The following LBR variants were observed in gnomAD, a reference collection of about 807,000 sequenced individuals.
LBR encodes delta(14)-sterol reductase LBR.
LBR carries 28 observed loss-of-function variants against 74.3 expected under a neutral mutation model. The ratio of observed to expected loss-of-function variants is 0.38; its 90% CI spans 0.28 to 0.52. The LOEUF (loss-of-function observed/expected upper bound fraction) is 0.52, where lower values mean the gene tolerates loss of function less well. LBR is among the 20% of genes least tolerant of loss of function. The pLI, the probability that LBR is intolerant of heterozygous loss-of-function variation, is 0.89. For missense variants in LBR, 717 were observed against 760.3 expected (o/e 0.94, Z 0.67); for synonymous variants, 228 against 269.3 (o/e 0.85, Z 1.50).
chr1:225,428,300 G>C (rs183591902), upstream of LBR, among the ~76,000 whole-genome samples: 241 of 152,216 alleles, frequency 1.6e-3, no homozygotes, highest in African/African-American at 5.5e-3. Flanking sequence ...GGGCGGCCCG[G>C]AGCGCGACGT....
chr1:225,419,884 T>A, intron 3 of LBR, 86 bp from the exon 4 acceptor site: 1 of 983,360 alleles, frequency 1.0e-6, no homozygotes, highest in Non-Finnish European at 1.6e-6. Flanking sequence ...TGTTTTGGAA[T>A]CAAGCAATAA....
chr1:225,422,056 TATAAGG>T lies in LBR; in HGVS notation c.366+15_366+20del. 1.2e-6 allele frequency: 2 copies of T among 1,609,192 alleles called. No homozygotes were observed. Among genetic ancestry groups the T allele is most frequent in the Non-Finnish European group, 1.7e-6 (2 of 1,176,172 alleles). ...ACATAAAGCGGAAGACAAAAGGCTG[TATAAGG>T]ATAAACACAAGTACCAGAATCAGCG... is the stretch of plus-strand genomic sequence containing the variant. On this transcript the variant is annotated intron_variant, in intron 3 of 13. Transcript: ENST00000272163.
In LBR at chr1:225,426,922, A is replaced by T. The variant is rs180698902; in HGVS notation, c.-15+1032T>A. Reference sequence around the variant, plus strand: ...GCCTGAGAAACAAAACTTAAACTGGACTTGTTGCCTAATCTAAATTAGGAT... The same window carrying T: ...GCCTGAGAAACAAAACTTAAACTGGTCTTGTTGCCTAATCTAAATTAGGAT... On this transcript the variant is annotated intron_variant, in intron 1 of 13. Transcript: ENST00000272163. Among the ~76,000 whole-genome samples, 4 of 152,190 alleles carry T rather than the reference A, an allele frequency of 2.6e-5. No individual in the cohort carries two copies. In the East Asian group the frequency reaches 7.7e-4, roughly 29 times the overall value.
chr1:225,415,447 G>T (rs2096115306), intron 6 of LBR, 115 bp from the exon 7 acceptor site: 1 of 637,944 alleles, frequency 1.6e-6, no homozygotes, highest in South Asian at 1.9e-5. Context: ...GCCCAAGAAG[G>T]AAGATATCTT....
chr1:225,414,772 G>A (rs960897074), intron 7 of LBR, among the ~76,000 whole-genome samples: 34 of 152,224 alleles, frequency 2.2e-4, no homozygotes, highest in African/African-American at 8.2e-4. Context: ...ATGTCAGACA[G>A]AAAAACAAAA....
intron 7 of LBR, among the ~76,000 whole-genome samples, chr1:225,413,232 G>A (rs956560746): frequency 4.6e-5 from 7 of 152,212 alleles, no homozygotes; most frequent in African/African-American, 1.7e-4. Context: ...AGGCTAGGCA[G>A]GGGACTGCGA....
rs2096082562 is a variant in LBR at position 225,401,833 on chromosome 1, G to A, written c.*1470C>T. 1 of 152,186 alleles carries A rather than the reference G, an allele frequency of 6.6e-6. No homozygotes were observed. The highest frequency in any genetic ancestry group is 2.4e-5 in the African/African-American group (1 of 41,436). 9.4% of individuals were successfully genotyped at this position (152,186 alleles called of 1,614,324 possible). On this transcript the variant is annotated 3_prime_UTR_variant, in exon 14 of 14. Coordinates refer to ENST00000272163, the MANE Select transcript of LBR (RefSeq NM_002296.4). ...GAATGTTTAAAGACTACCGGATGCT[G>A]GAGCAAACCAACTTCATGACTGCAT... is the stretch of plus-strand genomic sequence containing the variant.
chr1:225,412,329 T>C, intron 8 of LBR, 125 bp downstream of exon 8: 1 of 833,428 alleles, frequency 1.2e-6, no homozygotes, highest in Non-Finnish European at 2.0e-6. Context: ...ATCTTTTCAT[T>C]TTTTCTTACT....
intron 10 of LBR, 108 bp downstream of exon 10, chr1:225,410,183 G>A (rs1350748089): frequency 1.3e-6 from 2 of 1,534,276 alleles, no homozygotes; most frequent in Admixed American, 1.7e-5. Flanking sequence ...AGCCTTGGAG[G>A]CAGGCCATGC....
intron 3 of LBR, 36 bp from the exon 4 acceptor site, chr1:225,419,834 C>T (rs772778078): frequency 5.0e-6 from 7 of 1,391,200 alleles, no homozygotes; most frequent in Non-Finnish European, 7.1e-6. Flanking sequence ...ATCAAAAGAA[C>T]TGTAACTTAT....
At chr1:225,425,536 C>A (rs887429174) in intron 1 of LBR, among the ~76,000 whole-genome samples, 1 of 151,992 alleles carries the variant, frequency 6.6e-6, no homozygotes, top group African/African-American at 2.4e-5. Flanking sequence ...CTGAGTCACC[C>A]GAGGGGCACT....
chr1:225,406,936 C>G, intron 10 of LBR, 104 bp from the exon 11 acceptor site: 2 of 1,059,746 alleles, frequency 1.9e-6, no homozygotes, highest in Non-Finnish European at 2.9e-6. Context: ...ATGGGCGGGT[C>G]CACAATCAAC....
rs139131062 is a variant in LBR, at chr1:225,405,885, C to T, written c.1483+779G>A. On this transcript the variant is annotated intron_variant, in intron 11 of 13. Transcript: ENST00000272163. ...GAACTTCTTCTACCACAGATACTAA[C>T]TTGTGTAGCAAAACTATCTGTATTT... Among the ~76,000 whole-genome samples the T allele has an allele frequency of 2.0e-5, 3 of 152,326 alleles. No individual in the cohort carries two copies. In the East Asian group the frequency reaches 5.8e-4, roughly 29 times the overall value.
intron 2 of LBR, 27 bp from the exon 3 acceptor site, chr1:225,422,304 C>A: frequency 6.3e-7 from 1 of 1,580,688 alleles, no homozygotes; most frequent in Non-Finnish European, 8.7e-7. Context: ...AGGCAAAGAG[C>A]TTTACCACAA....
In LBR at chr1:225,415,321, TC is replaced by T; in HGVS notation, c.848del (p.Gly283GlufsTer14). The T allele has an allele frequency of 6.3e-7, 1 of 1,594,160 alleles. No individual in the cohort carries two copies. The highest frequency in any genetic ancestry group is 8.6e-7 in the Non-Finnish European group (1 of 1,164,514). Reference protein sequence around the residue: ...YLLPIGKVVEGTPLIDGRRLK... With the variant: ...YLLPIGKVVEXTPLIDGRRLK... ...GTCTTCTTCCATCAATAAGAGGCGT[TC>T]CTTCTACAACCTTAAAAGAAAAAAA... is the stretch of plus-strand genomic sequence containing the variant. On this transcript the variant is annotated frameshift_variant, in exon 7 of 14. Transcript: ENST00000272163. LOFTEE classifies it high-confidence loss of function.
Position 225,402,121 on chromosome 1 carries a change from T to A in LBR, c.*1182A>T, listed in dbSNP as rs2096082900. On this transcript the variant is annotated 3_prime_UTR_variant, in exon 14 of 14. Coordinates refer to ENST00000272163, the MANE Select transcript of LBR (RefSeq NM_002296.4). ...AATTGCTAAAGCTACCTTATGCACA[T>A]CTATTAAACTAAAAGAAACGACTTT... 2 of 152,190 alleles carry A rather than the reference T, an allele frequency of 1.3e-5. No homozygotes were observed. Among genetic ancestry groups the A allele is most frequent in the South Asian group, 4.1e-4 (2 of 4,830 alleles). The allele number at this position is 152,190 out of a possible 1,614,324, so 9.4% of individuals were successfully genotyped here.
Position 225,411,586 on chromosome 1 carries a change from C to T in LBR, c.1085-146G>A, listed in dbSNP as rs753272098. 8.2e-5 allele frequency: 58 copies of T among 703,544 alleles called. No individual in the cohort carries two copies. In the Middle Eastern group the frequency reaches 2.8e-3, roughly 34 times the overall value. 43.6% of individuals were successfully genotyped at this position (703,544 alleles called of 1,614,324 possible). A position where few individuals can be genotyped will look rare whatever the true frequency, so the allele number is the denominator to read the frequency against. ...CTCTGGTGGTGAGAGGCAGACAGGACGGCACAGACGAGCGGAACCAGGAGA... is the reference window on the plus strand; with the variant it reads ...CTCTGGTGGTGAGAGGCAGACAGGATGGCACAGACGAGCGGAACCAGGAGA... On this transcript the variant is annotated intron_variant, in intron 8 of 13. Coordinates refer to ENST00000272163, the MANE Select transcript of LBR (RefSeq NM_002296.4).
Position 225,419,809 on chromosome 1 carries a change from G to C in LBR, c.367-11C>G, listed in dbSNP as rs778878808. The C allele has an allele frequency of 6.4e-7, 1 of 1,550,906 alleles. No homozygotes were observed. Among genetic ancestry groups the C allele is most frequent in the Admixed American group, 1.7e-5 (1 of 59,812 alleles). Reference sequence around the variant, plus strand: ...ATTTCCAAATGGCTTCTAAATTGAAGAATATAAACATTTAATCAAAAGAAC... The same window carrying C: ...ATTTCCAAATGGCTTCTAAATTGAACAATATAAACATTTAATCAAAAGAAC... On this transcript the variant is annotated splice_polypyrimidine_tract_variant and intron_variant, in intron 3 of 13. Transcript: ENST00000272163.
At chr1:225,417,201 T>C (rs2096118884) in intron 6 of LBR, among the ~76,000 whole-genome samples, 2 of 152,184 alleles carry the variant, frequency 1.3e-5, no homozygotes, top group Admixed American at 6.5e-5. Flanking sequence ...ATGGTCTCAC[T>C]CCACAGTATT....
Sources: allele counts gnomAD v4.1 joint callset (sites outside exome capture counted in the v4.1 genomes callset), GRCh38; gene constraint gnomAD v4.1.1; transcripts MANE v1.5; gene names NCBI Gene and HGNC (gene_info 2026-07-23, HGNC 2026-07-21).